Variants in RARB observed in about 807,000 individuals in gnomAD.
The protein encoded by RARB is retinoic acid receptor beta.
In RARB, 17 loss-of-function variants were observed where a neutral mutation model predicts 51.9. That is an observed-to-expected ratio of 0.33 (90% CI 0.22 to 0.49). The LOEUF (loss-of-function observed/expected upper bound fraction) is 0.49, where lower values mean the gene tolerates loss of function less well. RARB is among the 20% of genes least tolerant of loss of function. The pLI is 0.99. For synonymous variants in RARB, 215 were observed against 195.4 expected, an observed-to-expected ratio of 1.10 and a Z score of -0.84; for missense variants, 369 against 550.8, an observed-to-expected ratio of 0.67 and a Z score of 3.30.
intron 5 of RARB, among the ~76,000 whole-genome samples, chr3:25,215,027 G>A (rs1419023809): frequency 1.3e-5 from 2 of 152,140 alleles, no homozygotes; most frequent in African/African-American, 2.4e-5. Context: ...GTGGAAAATC[G>A]ATGAAGACAT....
chr3:25,446,390 G>C (rs1486474041), intron 1 of RARB, among the ~76,000 whole-genome samples: 1 of 152,218 alleles, frequency 6.6e-6, no homozygotes, highest in African/African-American at 2.4e-5. Context: ...CATTTTGTCT[G>C]TGACTGCCTT....
chr3:24,971,274 G>C (rs753957001), intron 2 of RARB, among the ~76,000 whole-genome samples: 9 of 151,988 alleles, frequency 5.9e-5, no homozygotes, highest in Non-Finnish European at 1.2e-4. Context: ...GGGAGCTGAG[G>C]CTAGGAGGTT....
At chr3:25,531,515 T>C (rs971572441) in intron 3 of RARB, among the ~76,000 whole-genome samples, 3 of 152,126 alleles carry the variant, frequency 2.0e-5, no homozygotes, top group Non-Finnish European at 4.4e-5. Context: ...TCTGGTAGTT[T>C]CTCTGGTGAT....
intron 5 of RARB, among the ~76,000 whole-genome samples, chr3:25,176,325 CTTTCT>C: frequency 4.5e-5 from 2 of 44,524 alleles, no homozygotes; most frequent in African/African-American, 1.4e-4. Flanking sequence ...TTCTTTCTTT[CTTTCT>C]TTCTTTCCTT....
intron 3 of RARB, among the ~76,000 whole-genome samples, chr3:25,064,517 C>A (rs1003864099): frequency 6.6e-6 from 1 of 151,988 alleles, no homozygotes; most frequent in African/African-American, 2.4e-5. Flanking sequence ...TATAGAATTA[C>A]CGAGAGACAG....
intron 3 of RARB, among the ~76,000 whole-genome samples, chr3:25,113,130 C>T (rs1349322886): frequency 1.3e-5 from 2 of 152,018 alleles, no homozygotes; most frequent in African/African-American, 4.8e-5. Flanking sequence ...TCTTCATGTT[C>T]TCATTTCTCA....
At chr3:25,327,085 C>T (rs183847330) in intron 5 of RARB, among the ~76,000 whole-genome samples, 14 of 151,804 alleles carry the variant, frequency 9.2e-5, no homozygotes, top group South Asian at 2.1e-4. Flanking sequence ...TGAGAACATG[C>T]GCTGTTTCGT....
At chr3:25,412,589 T>C (rs1371829372) in intron 5 of RARB, among the ~76,000 whole-genome samples, 1 of 152,260 alleles carries the variant, frequency 6.6e-6, no homozygotes, top group Non-Finnish European at 1.5e-5. Flanking sequence ...CTGAGTCATC[T>C]GTCCACTCTA....
intron 2 of RARB, among the ~76,000 whole-genome samples, chr3:25,039,476 C>G (rs1206272662): frequency 6.6e-6 from 1 of 152,084 alleles, no homozygotes; most frequent in Admixed American, 6.6e-5. Flanking sequence ...TTAAGTATCT[C>G]AAATGTCCCA....
intron 3 of RARB, among the ~76,000 whole-genome samples, chr3:25,116,858 A>G (rs1278195544): frequency 6.6e-6 from 1 of 152,136 alleles, no homozygotes; most frequent in Non-Finnish European, 1.5e-5. Context: ...ACAACTGAAT[A>G]AGGAATCAGA....
chr3:24,992,093 T>A (rs1321004126), intron 2 of RARB, among the ~76,000 whole-genome samples: 1 of 152,192 alleles, frequency 6.6e-6, no homozygotes, highest in Non-Finnish European at 1.5e-5. Context: ...CTGGTCTGGG[T>A]TACCTTGACT....
At chr3:25,285,251 A>G (rs957133584) in intron 5 of RARB, among the ~76,000 whole-genome samples, 13 of 152,222 alleles carry the variant, frequency 8.5e-5, no homozygotes, top group African/African-American at 3.1e-4. Flanking sequence ...CCACTGAGAA[A>G]GTGATATGAT....
rs112686745 is a variant in RARB at position 25,347,352 on chromosome 3, C to T, written c.179-113841C>T. Reference sequence around the variant, plus strand: ...TGGCGGACTTGACCAGCTATCCAGCCTATGACAAGGTAGAGCTGGCAGTCC... The same window carrying T: ...TGGCGGACTTGACCAGCTATCCAGCTTATGACAAGGTAGAGCTGGCAGTCC... On this transcript the variant is annotated intron_variant, in intron 5 of 11. Transcript: ENST00000383772. Among the ~76,000 whole-genome samples the T allele has an allele frequency of 1.0e-3, 152 of 152,270 alleles. 1 individual carries two copies. Among genetic ancestry groups the T allele is most frequent in the Middle Eastern group, 3.4e-3 (1 of 294 alleles).
intron 2 of RARB, among the ~76,000 whole-genome samples, chr3:24,881,719 T>G (rs547913078): frequency 8.5e-5 from 13 of 152,174 alleles, no homozygotes; most frequent in African/African-American, 2.9e-4. Context: ...CCCAAGAATG[T>G]CAAAATAAGA....
At chr3:25,246,677 G>A (rs948217342) in intron 5 of RARB, among the ~76,000 whole-genome samples, 3 of 152,260 alleles carry the variant, frequency 2.0e-5, no homozygotes, top group Non-Finnish European at 4.4e-5. Context: ...ATTGCTGTGT[G>A]CTCCTCCCTC....
intron 4 of RARB, among the ~76,000 whole-genome samples, chr3:25,137,226 A>G (rs930287803): frequency 1.3e-5 from 2 of 152,114 alleles, no homozygotes; most frequent in African/African-American, 4.8e-5. Context: ...AAAGAAAAAA[A>G]CTTTAAGAAC....
intron 5 of RARB, among the ~76,000 whole-genome samples, chr3:25,290,722 C>T (rs932599946): frequency 2.0e-5 from 3 of 152,130 alleles, no homozygotes; most frequent in Non-Finnish European, 4.4e-5. Flanking sequence ...TGGTTGATAA[C>T]TGGAGTCCTG....
chr3:24,952,576 A>G (rs1006274386), intron 2 of RARB, among the ~76,000 whole-genome samples: 7 of 152,190 alleles, frequency 4.6e-5, no homozygotes, highest in African/African-American at 1.4e-4. Context: ...GGAAAAGACC[A>G]CATGGGCTTT....
intron 5 of RARB, among the ~76,000 whole-genome samples, chr3:25,242,475 T>A (rs1367081291): frequency 6.6e-6 from 1 of 152,198 alleles, no homozygotes; most frequent in East Asian, 1.9e-4. Flanking sequence ...CTTGAGTTAA[T>A]CTTTGTATAA....
Sources: allele counts gnomAD v4.1 joint callset (sites outside exome capture counted in the v4.1 genomes callset), GRCh38; gene constraint gnomAD v4.1.1; transcripts MANE v1.5; gene names NCBI Gene and HGNC (gene_info 2026-07-23, HGNC 2026-07-21).